Variants in CEP112 observed in about 807,000 individuals in gnomAD.
CEP112 encodes the protein centrosomal protein of 112 kDa.
In CEP112, 127 loss-of-function variants were observed where a neutral mutation model predicts 153.0. The ratio of observed to expected loss-of-function variants is 0.83; its 90% CI spans 0.72 to 0.96. CEP112 has a LOEUF of 0.96. Among genes scored for constraint, CEP112 ranks in the 40% least tolerant of loss-of-function variants. The probability of loss-of-function intolerance (pLI) is 0.00; values close to 1 mark genes in which losing one functional copy is unlikely to be tolerated. For missense variants in CEP112, 1,089 were observed against 1,101.2 expected (o/e 0.99, Z 0.16); for synonymous variants, 358 against 374.4 (o/e 0.96, Z 0.51).
chr17:65,925,923 T>C (rs1346020748), intron 19 of CEP112, among the ~76,000 whole-genome samples: 1 of 152,210 alleles, frequency 6.6e-6, no homozygotes, highest in Non-Finnish European at 1.5e-5. Context: ...AATAAGCCTT[T>C]TTTGTTCTAA....
intron 20 of CEP112, among the ~76,000 whole-genome samples, chr17:65,881,017 C>G (rs2059046275): frequency 6.6e-6 from 1 of 152,128 alleles, no homozygotes; most frequent in South Asian, 2.1e-4. Context: ...GAGATCCAGA[C>G]CATCCTGGCT....
chr17:66,096,545 T>C (rs1227206580), intron 7 of CEP112, 40 bp downstream of exon 7: 1 of 1,388,192 alleles, frequency 7.2e-7, no homozygotes, highest in Non-Finnish European at 1.0e-6. Flanking sequence ...TATTTTAAAA[T>C]ACCTGCCCCT....
intron 21 of CEP112, among the ~76,000 whole-genome samples, chr17:65,844,245 G>T (rs998033538): frequency 6.6e-6 from 1 of 152,128 alleles, no homozygotes; most frequent in African/African-American, 2.4e-5. Context: ...CTCTACTGAA[G>T]TAAATATACA....
chr17:66,127,075 T>C (rs2069883103), intron 6 of CEP112, among the ~76,000 whole-genome samples: 3 of 152,298 alleles, frequency 2.0e-5, no homozygotes, highest in South Asian at 4.1e-4. Context: ...GCAAGACTTA[T>C]ATTTTACACT....
At chr17:65,726,736 A>G (rs2050205864) in intron 23 of CEP112, among the ~76,000 whole-genome samples, 1 of 152,212 alleles carries the variant, frequency 6.6e-6, no homozygotes, top group East Asian at 1.9e-4. Flanking sequence ...TAAAAAATGG[A>G]AAGTCCTATT....
intron 23 of CEP112, among the ~76,000 whole-genome samples, chr17:65,738,928 A>G (rs1379213518): frequency 1.3e-5 from 2 of 152,116 alleles, no homozygotes; most frequent in Non-Finnish European, 2.9e-5. Context: ...TAGATTGGCC[A>G]CTATTTCTCC....
chr17:66,157,413 A>G (rs1216690092), intron 4 of CEP112, among the ~76,000 whole-genome samples: 1 of 152,216 alleles, frequency 6.6e-6, no homozygotes, highest in South Asian at 2.1e-4. Context: ...AGTACCAGCC[A>G]CTGCAAAAAC....
chr17:65,680,747 T>C, intron 24 of CEP112, among the ~76,000 whole-genome samples: 1 of 152,190 alleles, frequency 6.6e-6, no homozygotes, highest in Non-Finnish European at 1.5e-5. Flanking sequence ...AAAGGAGGTT[T>C]AATTGACTCA....
chr17:66,159,218 A>G (rs986319270), intron 4 of CEP112, among the ~76,000 whole-genome samples: 47 of 152,176 alleles, frequency 3.1e-4, no homozygotes, highest in Admixed American at 7.9e-4. Flanking sequence ...ATAGCCTACC[A>G]ACCAAAAAAA....
At chr17:66,114,280 T>A (rs974525756) in intron 6 of CEP112, among the ~76,000 whole-genome samples, 1 of 151,938 alleles carries the variant, frequency 6.6e-6, no homozygotes, top group East Asian at 1.9e-4. Context: ...ATTTTGTTTA[T>A]TTTTTTTAGC....
At chr17:65,699,723 G>A (rs1173721768) in intron 23 of CEP112, among the ~76,000 whole-genome samples, 6 of 152,052 alleles carry the variant, frequency 3.9e-5, no homozygotes, top group Admixed American at 3.9e-4. Flanking sequence ...GAACTCCTGG[G>A]CTCAAGTCAT....
At chr17:65,725,190 G>C (rs187351066) in intron 23 of CEP112, among the ~76,000 whole-genome samples, 2 of 152,318 alleles carry the variant, frequency 1.3e-5, no homozygotes, top group Admixed American at 1.3e-4. Flanking sequence ...AACATTTTGT[G>C]GGGGTGGGGA....
rs796713221 is a variant in CEP112 at position 65,880,446 on chromosome 17, TG to T, written c.2163+21705del. Among the ~76,000 whole-genome samples, 28 of 151,842 alleles carry T rather than the reference TG, an allele frequency of 1.8e-4. 1 individual carries two copies. The highest frequency in any genetic ancestry group is 8.3e-4 in the South Asian group (4 of 4,792). On this transcript the variant is annotated intron_variant, in intron 20 of 26. Transcript: ENST00000535342. The stretch of plus-strand genomic sequence containing the variant: ...ACCAACAAACATCAAATTTAAAAAA[TG>T]GGGGGGGCTATCTTATGGAGGCAGA...
At chr17:65,983,715 TG>T (rs756120615) in intron 17 of CEP112, among the ~76,000 whole-genome samples, 4 of 152,204 alleles carry the variant, frequency 2.6e-5, no homozygotes, top group Non-Finnish European at 5.9e-5. Flanking sequence ...CCAAGCTTCT[TG>T]TACAGTCTGT....
intron 24 of CEP112, among the ~76,000 whole-genome samples, chr17:65,679,734 G>A (rs1175601799): frequency 6.6e-6 from 1 of 152,176 alleles, no homozygotes; most frequent in African/African-American, 2.4e-5. Flanking sequence ...GTGGTTTAAA[G>A]ATAAGCAGTG....
intron 10 of CEP112, 25 bp from the exon 11 acceptor site, chr17:66,063,106 T>G: frequency 8.4e-7 from 1 of 1,194,898 alleles, no homozygotes; most frequent in East Asian, 2.6e-5. Flanking sequence ...GAAAACATAG[T>G]TAAACCAATT....
At chr17:65,933,644 G>A (rs62063079) in intron 18 of CEP112, among the ~76,000 whole-genome samples, 1 of 151,918 alleles carries the variant, frequency 6.6e-6, no homozygotes, top group African/African-American at 2.4e-5. Flanking sequence ...ATCTTCCCCC[G>A]AAAATGAGGG....
rs2060969083 is a variant in CEP112 at position 65,927,475 on chromosome 17, C to T, written c.1980+107G>A. 4.6e-6 allele frequency: 3 copies of T among 654,206 alleles called. No homozygotes were observed. In the East Asian group the frequency reaches 9.3e-5, roughly 20 times the overall value. The allele number at this position is 654,206 out of a possible 1,614,324, so 40.5% of individuals were successfully genotyped here. ...TTTAAATATATTGGTAACAACAGCTCTTAGTAATATTTTCATTATGCAGAT... is the reference window on the plus strand; with the variant it reads ...TTTAAATATATTGGTAACAACAGCTTTTAGTAATATTTTCATTATGCAGAT... On this transcript the variant is annotated intron_variant, in intron 19 of 26. Transcript: ENST00000535342.
chr17:65,640,937 G>C (rs1014254243), intron 25 of CEP112, 27 bp downstream of exon 25: 5 of 1,305,078 alleles, frequency 3.8e-6, no homozygotes, highest in Non-Finnish European at 4.4e-6. Context: ...CTAAATCCTT[G>C]GAAAATGCCT....
Sources: allele counts gnomAD v4.1 joint callset (sites outside exome capture counted in the v4.1 genomes callset), GRCh38; gene constraint gnomAD v4.1.1; transcripts MANE v1.5; gene names NCBI Gene and HGNC (gene_info 2026-07-23, HGNC 2026-07-21).